The following KIF25 variants were observed in gnomAD, a reference collection of about 807,000 sequenced individuals.
KIF25 encodes the protein kinesin family member 25.
In KIF25, 19 loss-of-function variants were observed where a neutral mutation model predicts 32.9. The ratio of observed to expected loss-of-function variants is 0.58; its 90% CI spans 0.40 to 0.85. KIF25 has a LOEUF of 0.85. Ranked by LOEUF, KIF25 falls within the 40% of genes least tolerant of loss-of-function variation. The probability of loss-of-function intolerance (pLI) is 0.00; values close to 1 mark genes in which losing one functional copy is unlikely to be tolerated. For synonymous variants in KIF25, 225 were observed against 213.7 expected (o/e 1.05, Z -0.46); for missense variants, 485 against 507.0 (o/e 0.96, Z 0.42).
chr6:168,011,274 A>C (rs535494128), intron 4 of KIF25, among the ~76,000 whole-genome samples: 1 of 151,838 alleles, frequency 6.6e-6, no homozygotes, highest in Non-Finnish European at 1.5e-5. Context: ...TTCTTTTTGC[A>C]TTGGCTATAC....
chr6:168,017,890 CG>C (rs1187494182), intron 4 of KIF25, 82 bp from the exon 5 acceptor site: 2 of 152,358 alleles, frequency 1.3e-5, no homozygotes, highest in Non-Finnish European at 2.9e-5. Context: ...CAAAAACAGG[CG>C]GCAGGCTGGG....
At chr6:168,010,990 T>A (rs1255174412) in intron 4 of KIF25, among the ~76,000 whole-genome samples, 3 of 150,470 alleles carry the variant, frequency 2.0e-5, no homozygotes, top group African/African-American at 7.3e-5. Flanking sequence ...TTGCAGACTA[T>A]ACGTCTCTTT....
intron 4 of KIF25, among the ~76,000 whole-genome samples, chr6:168,008,579 A>C (rs902226534): frequency 6.6e-6 from 1 of 152,154 alleles, no homozygotes; most frequent in African/African-American, 2.4e-5. Context: ...GTTCCATACA[A>C]ATTTTACAAT....
At chr6:168,036,311 C>T (rs1014362531) in intron 8 of KIF25, among the ~76,000 whole-genome samples, 2 of 152,178 alleles carry the variant, frequency 1.3e-5, no homozygotes, top group Admixed American at 6.5e-5. Flanking sequence ...TGCATGTGAT[C>T]AGTTTTCTGC....
chr6:168,023,699 C>T (rs115739156), intron 5 of KIF25, among the ~76,000 whole-genome samples: 2,673 of 152,358 alleles, frequency 0.018, 93 homozygotes, highest in African/African-American at 0.061. Flanking sequence ...CCGTGCCCAG[C>T]CAGTTTCCTT....
At chr6:168,029,369 T>G in intron 5 of KIF25, 123 bp from the exon 6 acceptor site, 1 of 639,026 alleles carries the variant, frequency 1.6e-6, no homozygotes, top group Non-Finnish European at 2.5e-6. Flanking sequence ...AAAAAGTAAC[T>G]TAACTAGACA....
At chr6:168,030,736 G>A in intron 6 of KIF25, 37 bp from the exon 7 acceptor site, 1 of 1,567,526 alleles carries the variant, frequency 6.4e-7, no homozygotes, top group Non-Finnish European at 8.7e-7. Context: ...GCTTTCTGCT[G>A]CTTCTATTAA....
rs147955573 is a variant in KIF25 at position 167,998,647 on chromosome 6, A to G, written c.-822A>G. 1 of 152,198 alleles carries G rather than the reference A, an allele frequency of 6.6e-6. No homozygotes were observed. The highest frequency in any genetic ancestry group is 2.4e-5 in the African/African-American group (1 of 41,452). 9.4% of individuals were successfully genotyped at this position (152,198 alleles called of 1,614,324 possible). A position where few individuals can be genotyped will look rare whatever the true frequency, so the allele number is the denominator to read the frequency against. Reference sequence around the variant, plus strand: ...TCCAAAATCCCCTCTAAAATGCCTAAAATGTCGAGCCCAGGATGCCATTCA... The same window carrying G: ...TCCAAAATCCCCTCTAAAATGCCTAGAATGTCGAGCCCAGGATGCCATTCA... On this transcript the variant is annotated 5_prime_UTR_variant, in exon 1 of 13. Transcript: ENST00000643607.
At chr6:168,032,264 G>A (rs1046982442) in intron 7 of KIF25, among the ~76,000 whole-genome samples, 2 of 152,216 alleles carry the variant, frequency 1.3e-5, no homozygotes, top group Admixed American at 6.5e-5. Flanking sequence ...TGGCTGGGGG[G>A]CCTTAGAATT....
At chr6:168,035,825 C>T (rs1480888319) in intron 8 of KIF25, 2 of 455,660 alleles carry the variant, frequency 4.4e-6, no homozygotes, top group African/African-American at 2.0e-5. Flanking sequence ...CGGGCAAGGC[C>T]GTACTCTCCC....
rs78634437 is a variant in KIF25, at chr6:168,043,859, T to C, written c.986-968T>C. 1.5e-3 allele frequency among the ~76,000 whole-genome samples: 229 copies of C among 152,284 alleles called. 1 individual carries two copies. The highest frequency in any genetic ancestry group is 5.3e-3 in the African/African-American group (222 of 41,554). ...GGTTTTCATCTGTAATTCTTAACCC[T>C]CGTTACGGGTCCTGAAAAACAGGAA... On this transcript the variant is annotated intron_variant, in intron 12 of 12. Coordinates refer to ENST00000643607, the MANE Select transcript of KIF25 (RefSeq NM_030615.4).
rs574505491 is a variant in KIF25 at position 168,010,907 on chromosome 6, C to A, written c.-162-7066C>A. Among the ~76,000 whole-genome samples, 13 of 152,154 alleles carry A rather than the reference C, an allele frequency of 8.5e-5. No homozygotes were observed. The East Asian group carries it at 2.3e-3, about 27-fold the overall frequency. On this transcript the variant is annotated intron_variant, in intron 4 of 12. Coordinates refer to ENST00000643607, the MANE Select transcript of KIF25 (RefSeq NM_030615.4). ...GCTTTTAACTTGAAGTCTGCTTTAT[C>A]TTACATAAGTAAGGCTACTCCTGAT... is the stretch of plus-strand genomic sequence containing the variant.
intron 12 of KIF25, 67 bp from the exon 13 acceptor site, chr6:168,044,760 C>T: frequency 6.8e-7 from 1 of 1,469,828 alleles, no homozygotes; most frequent in South Asian, 1.3e-5. Flanking sequence ...GCCCTGGTTG[C>T]TGGCATGTTG....
intron 4 of KIF25, among the ~76,000 whole-genome samples, chr6:168,010,777 G>A (rs2114873572): frequency 6.6e-6 from 1 of 152,148 alleles, no homozygotes; most frequent in South Asian, 2.1e-4. Flanking sequence ...ATCTAATAAT[G>A]TTTGCTTTAT....
Position 168,041,878 on chromosome 6 carries a change from TC to T in KIF25, c.647-90del, listed in dbSNP as rs1799124138. 2.4e-5 allele frequency: 32 copies of T among 1,326,990 alleles called. No individual in the cohort carries two copies. The South Asian group carries it at 3.9e-4, about 16-fold the overall frequency. 82.2% of individuals were successfully genotyped at this position (1,326,990 alleles called of 1,614,324 possible). On this transcript the variant is annotated intron_variant, in intron 10 of 12. Coordinates refer to ENST00000643607, the MANE Select transcript of KIF25 (RefSeq NM_030615.4). Reference sequence around the variant, plus strand: ...GGAGGTGTGGGCAGGAGGGTGCAGTTCAGAAGCTTCTCGGCTCTGACTGAGG... The same window carrying T: ...GGAGGTGTGGGCAGGAGGGTGCAGTTAGAAGCTTCTCGGCTCTGACTGAGG...
At chr6:168,008,779 G>T (rs1427917035) in intron 4 of KIF25, among the ~76,000 whole-genome samples, 3 of 151,870 alleles carry the variant, frequency 2.0e-5, no homozygotes, top group Non-Finnish European at 4.4e-5. Flanking sequence ...CCTTTTAGAG[G>T]TTTCTCACCT....
In KIF25 at chr6:168,037,019, G is replaced by C. The variant is rs569731946; in HGVS notation, c.318-1534G>C. 6.6e-5 allele frequency among the ~76,000 whole-genome samples: 10 copies of C among 152,280 alleles called. No homozygotes were observed. In the South Asian group the frequency reaches 1.9e-3, roughly 28 times the overall value. ...AGAGGTTGCAGTGAGCCGAGAATGT[G>C]CCACTGCACTTCAGCCTGGGTGACA... On this transcript the variant is annotated intron_variant, in intron 8 of 12. Coordinates refer to ENST00000643607, the MANE Select transcript of KIF25 (RefSeq NM_030615.4).
At chr6:168,034,935 C>A (rs541021816) in intron 8 of KIF25, among the ~76,000 whole-genome samples, 6 of 152,042 alleles carry the variant, frequency 3.9e-5, no homozygotes, top group South Asian at 2.1e-4. Context: ...TCGAGGCGGG[C>A]GGATCACAAG....
At chr6:168,025,059 C>T (rs767494419) in intron 5 of KIF25, among the ~76,000 whole-genome samples, 4 of 151,962 alleles carry the variant, frequency 2.6e-5, no homozygotes, top group South Asian at 2.1e-4. Flanking sequence ...TTCAAAAAAA[C>T]GAAAAAGAAA....
Sources: gnomAD v4.1 joint callset for allele counts (sites outside exome capture counted in the v4.1 genomes callset) on GRCh38, gnomAD v4.1.1 for gene constraint, MANE v1.5 for transcripts, NCBI Gene and HGNC (gene_info 2026-07-23, HGNC 2026-07-21) for gene names.